Variants in CRISPLD1 observed in about 807,000 individuals in gnomAD.
CRISPLD1 encodes cysteine rich secretory protein LCCL domain containing 1.
CRISPLD1 carries 60 observed loss-of-function variants against 77.5 expected under a neutral mutation model. The observed-to-expected ratio is 0.77, with a 90% confidence interval of 0.63 to 0.96. The LOEUF (loss-of-function observed/expected upper bound fraction) is 0.96, where lower values mean the gene tolerates loss of function less well. Among genes scored for constraint, CRISPLD1 ranks in the 40% least tolerant of loss-of-function variants. CRISPLD1 has a pLI of 0.00. For synonymous variants in CRISPLD1, 195 were observed against 200.1 expected, an observed-to-expected ratio of 0.97 and a Z score of 0.22; for missense variants, 623 against 615.8, an observed-to-expected ratio of 1.01 and a Z score of -0.12.
At chr8:74,993,796 C>A (rs1812609544) in intron 2 of CRISPLD1, among the ~76,000 whole-genome samples, 1 of 152,314 alleles carries the variant, frequency 6.6e-6, no homozygotes, top group East Asian at 1.9e-4. Context: ...TTCCTTTATT[C>A]AGCATGTATT....
Position 75,014,855 on chromosome 8 carries a change from T to A in CRISPLD1, c.670T>A (p.Cys224Ser). 1 of 1,583,514 alleles carries A rather than the reference T, an allele frequency of 6.3e-7. No individual in the cohort carries two copies. The highest frequency in any genetic ancestry group is 2.3e-5 in the East Asian group (1 of 42,726). ...GHAPYKHGRP[C>S]SACPPSFGGG... is the part of the protein sequence containing the mutation. ...TGCCCCTTACAAACATGGGCGGCCC[T>A]GTTCTGCTTGCCCACCTAGTTTTGG... Residue 224 changes from cysteine to serine, a missense_variant, in exon 6 of 15, where the codon TGT becomes AGT. Physicochemically the swap from Cys to Ser is moderately radical, Grantham distance 112. Transcript: ENST00000262207.
chr8:75,011,413 G>A (rs1345957844), intron 2 of CRISPLD1, among the ~76,000 whole-genome samples: 2 of 151,450 alleles, frequency 1.3e-5, no homozygotes, highest in Non-Finnish European at 2.9e-5. Context: ...ACTGTCACTT[G>A]GGTTGTGTCC....
At position 75,034,152 on chromosome 8, in the gene CRISPLD1, T is replaced by C. The variant is rs1813405234; in HGVS notation, c.*1910T>C. 1 of 152,116 alleles carries C rather than the reference T, an allele frequency of 6.6e-6. No individual in the cohort carries two copies. The highest frequency in any genetic ancestry group is 1.5e-5 in the Non-Finnish European group (1 of 67,958). The allele number at this position is 152,116 out of a possible 1,614,324, so 9.4% of individuals were successfully genotyped here. On this transcript the variant is annotated 3_prime_UTR_variant, in exon 15 of 15. Transcript: ENST00000262207. The stretch of plus-strand genomic sequence containing the variant: ...CTTGAAATTAACTCTTCCATGAGTT[T>C]TCATTGCTGAAGAAAAACCAAACAT...
chr8:74,993,565 AC>A (rs1812605832), intron 2 of CRISPLD1, among the ~76,000 whole-genome samples: 1 of 152,194 alleles, frequency 6.6e-6, no homozygotes, highest in Non-Finnish European at 1.5e-5. Flanking sequence ...TAAGACTTCG[AC>A]CTTTAAAGTG....
chr8:75,015,398 TAAGAA>T (rs1288006558), intron 6 of CRISPLD1, among the ~76,000 whole-genome samples: 4 of 152,134 alleles, frequency 2.6e-5, no homozygotes, highest in Non-Finnish European at 5.9e-5. Context: ...GCTAAAATAA[TAAGAA>T]AAGTATAATA....
At chr8:74,998,220 A>G (rs1812674626) in intron 2 of CRISPLD1, among the ~76,000 whole-genome samples, 1 of 152,176 alleles carries the variant, frequency 6.6e-6, no homozygotes, top group Non-Finnish European at 1.5e-5. Context: ...AGACACAGTG[A>G]ACTGTCAAGA....
chr8:75,013,030 T>G lies in CRISPLD1; in HGVS notation c.510+8T>G. The stretch of plus-strand genomic sequence containing the variant: ...TGTACACATTATACACAGGTATGTT[T>G]GGGGGGTATTATACTTAATTCCCCC... On this transcript the variant is annotated splice_region_variant and intron_variant, in intron 4 of 14. Transcript: ENST00000262207. The G allele has an allele frequency of 6.4e-7, 1 of 1,563,994 alleles. No homozygotes were observed. Among genetic ancestry groups the G allele is most frequent in the Non-Finnish European group, 8.7e-7 (1 of 1,149,654 alleles).
rs747202297 is a variant in CRISPLD1 at position 75,020,064 on chromosome 8, C to T, written c.1229C>T (p.Ala410Val). The T allele has an allele frequency of 1.1e-5, 18 of 1,613,888 alleles. No individual in the cohort carries two copies. In the East Asian group the frequency reaches 3.8e-4, roughly 34 times the overall value. ...CAGCTCTGTCCATTTCATAAGCCTGCTTCACATTGCCCAAGGTAAACCAGT... is the reference window on the plus strand; with the variant it reads ...CAGCTCTGTCCATTTCATAAGCCTGTTTCACATTGCCCAAGGTAAACCAGT... ...VEQLCPFHKP[A>V]SHCPRVYCPR... Residue 410 changes from alanine to valine, a missense_variant, in exon 12 of 15, where the codon GCT becomes GTT. By Grantham distance (64) the Ala-to-Val change is moderately conservative. Coordinates refer to ENST00000262207, the MANE Select transcript of CRISPLD1 (RefSeq NM_031461.6).
intron 2 of CRISPLD1, among the ~76,000 whole-genome samples, chr8:75,009,986 T>C (rs1042268558): frequency 1.3e-5 from 2 of 152,162 alleles, no homozygotes; most frequent in African/African-American, 4.8e-5. Context: ...TGATAATACT[T>C]GTTTATAGCA....
In CRISPLD1 at chr8:75,016,937, A is replaced by G. The variant is rs1813040547; in HGVS notation, c.925A>G (p.Asn309Asp). 6.5e-7 allele frequency: 1 copy of G among 1,549,924 alleles called. No individual in the cohort carries two copies. The highest frequency in any genetic ancestry group is 8.8e-7 in the Non-Finnish European group (1 of 1,142,588). Reference protein sequence around the residue: ...LRDQCKGTTCNRYECPAGCLD... With the variant: ...LRDQCKGTTCDRYECPAGCLD... ...AGATCAGTGCAAAGGAACAACCTGC[A>G]ATAGGTAATATTTGTTATTATTTTG... Residue 309 changes from asparagine (N) to aspartate (D), a missense_variant, in exon 8 of 15, where the codon AAT (asparagine) becomes GAT (aspartate). Coordinates refer to ENST00000262207, the MANE Select transcript of CRISPLD1 (RefSeq NM_031461.6).
chr8:74,986,456 G>T (rs1812500728), intron 2 of CRISPLD1, among the ~76,000 whole-genome samples: 1 of 152,160 alleles, frequency 6.6e-6, no homozygotes, highest in South Asian at 2.1e-4. Context: ...GCCTTTAGAT[G>T]CAATGTTCCT....
chr8:74,986,334 T>C, intron 2 of CRISPLD1, 89 bp downstream of exon 2: 2 of 1,303,134 alleles, frequency 1.5e-6, no homozygotes, highest in Non-Finnish European at 2.1e-6. Context: ...TAATCATTTA[T>C]TTTATATGAA....
chr8:75,030,500 C>T (rs539031494), intron 14 of CRISPLD1, among the ~76,000 whole-genome samples: 1 of 151,936 alleles, frequency 6.6e-6, no homozygotes, highest in Non-Finnish European at 1.5e-5. Flanking sequence ...ATGTATGCCT[C>T]GTAATTCTTA....
intron 13 of CRISPLD1, chr8:75,026,466 C>G (rs993893689): frequency 6.6e-6 from 1 of 152,174 alleles, no homozygotes; most frequent in African/African-American, 2.4e-5. Flanking sequence ...AGCTGTACAT[C>G]AGACTAGCAG....
At chr8:74,987,800 T>G (rs1420367468) in intron 2 of CRISPLD1, among the ~76,000 whole-genome samples, 1 of 152,194 alleles carries the variant, frequency 6.6e-6, no homozygotes, top group East Asian at 1.9e-4. Flanking sequence ...TAAGGAAGAC[T>G]TGGGAGTTCA....
intron 2 of CRISPLD1, among the ~76,000 whole-genome samples, chr8:75,012,195 A>G (rs935769770): frequency 3.3e-5 from 5 of 152,120 alleles, no homozygotes; most frequent in African/African-American, 1.2e-4. Context: ...ATTCGTGTTC[A>G]CTTAAGTAAT....
intron 12 of CRISPLD1, among the ~76,000 whole-genome samples, chr8:75,022,446 G>A (rs1813152082): frequency 6.6e-6 from 1 of 151,884 alleles, no homozygotes. Context: ...AAAATTAGCC[G>A]GGCGTGGGGG....
At position 75,013,967 on chromosome 8, in the gene CRISPLD1, C is replaced by T; in HGVS notation, c.511-20C>T. Reference sequence around the variant, plus strand: ...TCATTTCAGCCTGCTTTTTCTGAGCCTTTCATTTTTCTAACATAGGTCGTG... The same window carrying T: ...TCATTTCAGCCTGCTTTTTCTGAGCTTTTCATTTTTCTAACATAGGTCGTG... On this transcript the variant is annotated intron_variant, in intron 4 of 14. Coordinates refer to ENST00000262207, the MANE Select transcript of CRISPLD1 (RefSeq NM_031461.6). 6.5e-7 allele frequency: 1 copy of T among 1,542,650 alleles called. No individual in the cohort carries two copies. Among genetic ancestry groups the T allele is most frequent in the South Asian group, 1.1e-5 (1 of 89,154 alleles).
At chr8:75,008,594 T>A (rs1300254582) in intron 2 of CRISPLD1, among the ~76,000 whole-genome samples, 1 of 152,162 alleles carries the variant, frequency 6.6e-6, no homozygotes, top group African/African-American at 2.4e-5. Flanking sequence ...AGATAATTAC[T>A]TTTAGTCACT....
Sources: gnomAD v4.1 joint callset for allele counts (sites outside exome capture counted in the v4.1 genomes callset) on GRCh38, gnomAD v4.1.1 for gene constraint, MANE v1.5 for transcripts, NCBI Gene and HGNC (gene_info 2026-07-23, HGNC 2026-07-21) for gene names.